The following DLL1 variants were observed in gnomAD, a reference collection of about 807,000 sequenced individuals.
The protein encoded by DLL1 is delta like canonical Notch ligand 1.
Under a neutral mutation model 75.1 loss-of-function variants are expected in DLL1, and 9 were observed. The ratio of observed to expected loss-of-function variants is 0.12; its 90% CI spans 0.07 to 0.21. The LOEUF (loss-of-function observed/expected upper bound fraction) is 0.21, where lower values mean the gene tolerates loss of function less well. Ranked by LOEUF, DLL1 falls within the 10% of genes least tolerant of loss-of-function variation. The pLI is 1.00. For missense variants in DLL1, 837 were observed against 1,007.6 expected, an observed-to-expected ratio of 0.83 and a Z score of 2.29; for synonymous variants, 477 against 418.3, an observed-to-expected ratio of 1.14 and a Z score of -1.71.
chr6:170,283,741 C>A lies in DLL1; in HGVS notation c.1538G>T (p.Gly513Val), dbSNP rs1290960428. ...GGGGAGCAGGAACTGGCAGTTGGGACCCCCGTAGCCTCGGGCACACTCGCA... is the reference window on the plus strand; with the variant it reads ...GGGGAGCAGGAACTGGCAGTTGGGAACCCCGTAGCCTCGGGCACACTCGCA... Reference protein sequence around the residue: ...YVCECARGYGGPNCQFLLPEL... With the variant: ...YVCECARGYGVPNCQFLLPEL... Residue 513 changes from glycine to valine, a missense_variant, in exon 9 of 11, where the codon GGT becomes GTT. Gly to Val is a moderately radical substitution (Grantham distance 109). Coordinates refer to ENST00000366756, the MANE Select transcript of DLL1 (RefSeq NM_005618.4). The A allele has an allele frequency of 6.4e-7, 1 of 1,557,426 alleles. No homozygotes were observed. The highest frequency in any genetic ancestry group is 8.7e-7 in the Non-Finnish European group (1 of 1,151,880).
At chr6:170,284,262 G>T (rs1428720888) in intron 8 of DLL1, among the ~76,000 whole-genome samples, 2 of 152,226 alleles carry the variant, frequency 1.3e-5, no homozygotes, top group Non-Finnish European at 2.9e-5. Flanking sequence ...GACAGGCGCT[G>T]TGCAGAACAC....
Position 170,285,016 on chromosome 6 carries a change from G to T in DLL1, c.1152C>A (p.Ser384Arg), listed in dbSNP as rs1783664267. 11 of 1,613,964 alleles carry T rather than the reference G, an allele frequency of 6.8e-6. No homozygotes were observed. Among genetic ancestry groups the T allele is most frequent in the Non-Finnish European group, 9.3e-6 (11 of 1,180,034 alleles). Residue 384 changes from serine to arginine, a missense_variant, in exon 8 of 11, where the codon AGC becomes AGA. Ser to Arg is a moderately radical substitution (Grantham distance 110). This residue lies in a region of DLL1 where 533 missense variants were observed against 545.7 expected (regional missense o/e 0.98). Transcript: ENST00000366756. ...AGCGGCAGCTGTACCCTCCATCGGG[G>T]CTGTCTGAGCACCGACCCCCGTTAA... Reference protein sequence around the residue: ...PCFNGGRCSDSPDGGYSCRCP... With the variant: ...PCFNGGRCSDRPDGGYSCRCP...
At chr6:170,285,168 A>G (rs1332039190) in intron 7 of DLL1, 33 bp from the exon 8 acceptor site, 1 of 1,613,802 alleles carries the variant, frequency 6.2e-7, no homozygotes, top group Non-Finnish European at 8.5e-7. Flanking sequence ...AAGGCTTTCC[A>G]AAGTTGCTCC....
intron 5 of DLL1, among the ~76,000 whole-genome samples, 188 bp downstream of exon 5, chr6:170,286,050 G>A (rs879918614): frequency 2.0e-5 from 3 of 152,230 alleles, no homozygotes; most frequent in Non-Finnish European, 4.4e-5. Context: ...TTAGACGAAT[G>A]ACAACTCCAT....
At position 170,289,818 on chromosome 6, in the gene DLL1, G is replaced by A. The variant is rs1404277726; in HGVS notation, c.55-10C>T. On this transcript the variant is annotated splice_polypyrimidine_tract_variant and intron_variant, in intron 1 of 10. Coordinates refer to ENST00000366756, the MANE Select transcript of DLL1 (RefSeq NM_005618.4). ...CCCCAGAGCTCCAGACCTGCACGGG[G>A]GAGGGCGGGGGCGTGAGGACGCGGG... 4.5e-6 allele frequency: 7 copies of A among 1,552,892 alleles called. No individual in the cohort carries two copies. In the Admixed American group the frequency reaches 1.4e-4, roughly 30 times the overall value.
rs774162064 is a variant in DLL1, at chr6:170,283,690, A to G, written c.1589T>C (p.Val530Ala). The G allele has an allele frequency of 6.4e-7, 1 of 1,562,392 alleles. No homozygotes were observed. Among genetic ancestry groups the G allele is most frequent in the Non-Finnish European group, 8.7e-7 (1 of 1,153,930 alleles). ...GCCCTCTAGCTTCTCAGTGAGGTCC[A>G]CCACCGCTGGGCCCGGGGGCAGCTC... ...LPELPPGPAV[V>A]DLTEKLEGQG... Residue 530 changes from valine (V) to alanine (A), a missense_variant, in exon 9 of 11, where the codon GTG becomes GCG. Transcript: ENST00000366756.
Position 170,282,713 on chromosome 6 carries a change from G to C in DLL1, c.*161C>G. On this transcript the variant is annotated 3_prime_UTR_variant, in exon 11 of 11. Coordinates refer to ENST00000366756, the MANE Select transcript of DLL1 (RefSeq NM_005618.4). Reference sequence around the variant, plus strand: ...CCGGGCCGCGACAGGCTGTCGGCAGGCGTCGAGGACCTCAGGAGGAGAACC... The same window carrying C: ...CCGGGCCGCGACAGGCTGTCGGCAGCCGTCGAGGACCTCAGGAGGAGAACC... 2 of 1,225,754 alleles carry C rather than the reference G, an allele frequency of 1.6e-6. No homozygotes were observed. Among genetic ancestry groups the C allele is most frequent in the South Asian group, 2.5e-5 (2 of 80,348 alleles). 75.9% of individuals were successfully genotyped at this position (1,225,754 alleles called of 1,614,324 possible).
At chr6:170,288,909 G>A in intron 2 of DLL1, 120 bp from the exon 3 acceptor site, 1 of 1,112,550 alleles carries the variant, frequency 9.0e-7, no homozygotes, top group Non-Finnish European at 1.4e-6. Flanking sequence ...CAGGTCTGGG[G>A]CAGCGTGTCT....
rs1384668019 is a variant in DLL1, at chr6:170,283,884, G to A, written c.1395C>T (p.Phe465=). The A allele has an allele frequency of 6.2e-7, 1 of 1,606,896 alleles. No homozygotes were observed. The highest frequency in any genetic ancestry group is 1.1e-5 in the South Asian group (1 of 90,834). Residue 465 remains phenylalanine (F), a synonymous_variant, in exon 9 of 11, where the codon TTC becomes TTT. Coordinates refer to ENST00000366756, the MANE Select transcript of DLL1 (RefSeq NM_005618.4). ...GGTCRDGVND[F]SCTCPPGYTG... ...TGTAGCCAGGCGGGCAGGTGCAGGA[G>A]AAGTCGTTCACGCCATCCCGGCAGG...
At chr6:170,288,821 C>T (rs768968309) in intron 2 of DLL1, 32 bp from the exon 3 acceptor site, 29 of 1,612,956 alleles carry the variant, frequency 1.8e-5, no homozygotes, top group Non-Finnish European at 2.4e-5. Context: ...GTTAGACAAC[C>T]CAGAAAGGTA....
At chr6:170,287,156 C>A (rs541443521) in intron 4 of DLL1, among the ~76,000 whole-genome samples, 3 of 152,236 alleles carry the variant, frequency 2.0e-5, no homozygotes, top group Non-Finnish European at 4.4e-5. Flanking sequence ...CCAGTTCAGG[C>A]CAAGGCAAAG....
chr6:170,283,542 T>C lies in DLL1; in HGVS notation c.1737A>G (p.Pro579=). The stretch of plus-strand genomic sequence containing the variant: ...CCGTCTCCCCCCGGCAGGGGTCGGC[T>C]GGGGGCCGGTGCTTCTGCAGCCTCA... ...VRLRLQKHRP[P]ADPCRGETET... The change falls in exon 9 of 11, where the codon CCA becomes CCG. Residue 579 remains proline (P), a synonymous_variant. Transcript: ENST00000366756. The C allele has an allele frequency of 6.2e-7, 1 of 1,613,750 alleles. No individual in the cohort carries two copies. The highest frequency in any genetic ancestry group is 8.5e-7 in the Non-Finnish European group (1 of 1,180,020).
rs1423089390 is a variant in DLL1, at chr6:170,284,987, G to A, written c.1181C>T (p.Pro394Leu). Residue 394 changes from proline to leucine, a missense_variant, in exon 8 of 11, where the codon CCC (proline) becomes CTC (leucine). By Grantham distance (98) the Pro-to-Leu change is moderately conservative. Transcript: ENST00000366756. ...SPDGGYSCRC[P>L]VGYSGFNCEK... ...ACAGTTGAAGCCGGAGTAGCCCACGGGGCAGCGGCAGCTGTACCCTCCATC... is the reference window on the plus strand; with the variant it reads ...ACAGTTGAAGCCGGAGTAGCCCACGAGGCAGCGGCAGCTGTACCCTCCATC... The A allele has an allele frequency of 6.2e-7, 1 of 1,614,148 alleles. No individual in the cohort carries two copies. The highest frequency in any genetic ancestry group is 1.1e-5 in the South Asian group (1 of 91,084).
Position 170,288,412 on chromosome 6 carries a change from C to G in DLL1, c.497G>C (p.Ser166Thr). Residue 166 changes from serine (S) to threonine (T), a missense_variant, in exon 4 of 11, where the codon AGC becomes ACC. Physicochemically the swap from Ser to Thr is moderately conservative, Grantham distance 58 (BLOSUM62 1). Transcript: ENST00000366756. ...GEEWSQDLHSSGRTDLKYSYR... is the reference protein window; with the variant it reads ...GEEWSQDLHSTGRTDLKYSYR... ...GGAGTACTTGAGGTCCGTGCGGCCG[C>G]TGCTGTGCAGGTCCTGGGACCACTC... The G allele has an allele frequency of 6.2e-7, 1 of 1,614,094 alleles. No individual in the cohort carries two copies. Among genetic ancestry groups the G allele is most frequent in the Non-Finnish European group, 8.5e-7 (1 of 1,180,054 alleles).
Position 170,282,680 on chromosome 6 carries a change from G to T in DLL1, c.*194C>A. ...CGGCGACGTCACGGAAGGCAGTGCCGCAGGCGGCCGGGCCGCGACAGGCTG... is the reference window on the plus strand; with the variant it reads ...CGGCGACGTCACGGAAGGCAGTGCCTCAGGCGGCCGGGCCGCGACAGGCTG... On this transcript the variant is annotated 3_prime_UTR_variant, in exon 11 of 11. Transcript: ENST00000366756. 2 of 812,368 alleles carry T rather than the reference G, an allele frequency of 2.5e-6. No individual in the cohort carries two copies. The highest frequency in any genetic ancestry group is 1.5e-5 in the South Asian group (1 of 65,472). 50.3% of individuals were successfully genotyped at this position (812,368 alleles called of 1,614,324 possible). A position where few individuals can be genotyped will look rare whatever the true frequency, so the allele number is the denominator to read the frequency against.
intron 2 of DLL1, 80 bp downstream of exon 2, chr6:170,289,432 C>T (rs943989402): frequency 1.3e-6 from 2 of 1,510,260 alleles, no homozygotes; most frequent in Admixed American, 2.0e-5. Context: ...CGCCACCGAG[C>T]GCCCAAGGCG....
chr6:170,283,509 C>T lies in DLL1; in HGVS notation c.1770G>A (p.Met590Ile). Residue 590 changes from methionine (M) to isoleucine (I), a missense_variant, in exon 9 of 11, where the codon ATG (methionine) becomes ATA (isoleucine). This residue lies in a region of DLL1 where 533 missense variants were observed against 545.7 expected (regional missense o/e 0.98). Coordinates refer to ENST00000366756, the MANE Select transcript of DLL1 (RefSeq NM_005618.4). The part of the protein sequence containing the change: ...ADPCRGETET[M>I]NNLANCQREK... ...CACGCTGGCAGTTGGCCAGGTTGTT[C>T]ATGGTCTCCGTCTCCCCCCGGCAGG... The T allele has an allele frequency of 2.5e-6, 4 of 1,613,738 alleles. No individual in the cohort carries two copies. Among genetic ancestry groups the T allele is most frequent in the Non-Finnish European group, 3.4e-6 (4 of 1,180,032 alleles).
intron 4 of DLL1, among the ~76,000 whole-genome samples, chr6:170,287,548 T>C (rs1031064778): frequency 7.2e-5 from 11 of 152,206 alleles, no homozygotes; most frequent in African/African-American, 2.4e-4. Context: ...GCCATGACAT[T>C]GACACATCAA....
chr6:170,287,733 T>A (rs1447936074), intron 4 of DLL1, among the ~76,000 whole-genome samples: 1 of 152,190 alleles, frequency 6.6e-6, no homozygotes, highest in African/African-American at 2.4e-5. Flanking sequence ...CTGGCCAGCA[T>A]AGACAGTGCG....
Sources: gnomAD v4.1 joint callset for allele counts (sites outside exome capture counted in the v4.1 genomes callset) on GRCh38, gnomAD v4.1.1 for gene constraint, gnomAD v4.1.1 regional missense constraint, MANE v1.5 for transcripts, NCBI Gene and HGNC (gene_info 2026-07-23, HGNC 2026-07-21) for gene names.